The following ATXN7 variants were observed in gnomAD, a reference collection of about 807,000 sequenced individuals.
ATXN7 encodes the protein ataxin-7.
In ATXN7, 12 loss-of-function variants were observed where a neutral mutation model predicts 70.5. The observed-to-expected ratio is 0.17, with a 90% CI of 0.11 to 0.28. The LOEUF is 0.28. Ranked by LOEUF, ATXN7 falls within the 10% of genes least tolerant of loss-of-function variation. The probability of loss-of-function intolerance (pLI) is 1.00; values close to 1 mark genes in which losing one functional copy is unlikely to be tolerated. For missense variants in ATXN7, 1,256 were observed against 1,131.7 expected (o/e 1.11, Z -1.58); for synonymous variants, 498 against 448.7 (o/e 1.11, Z -1.39).
chr3:63,940,814 C>T (rs2074748331), intron 4 of ATXN7, among the ~76,000 whole-genome samples: 1 of 152,192 alleles, frequency 6.6e-6, no homozygotes, highest in Non-Finnish European at 1.5e-5. Flanking sequence ...CTACTCTAGA[C>T]TACATGCTTG....
At chr3:63,945,799 G>T (rs754620111) in intron 4 of ATXN7, among the ~76,000 whole-genome samples, 50 of 152,290 alleles carry the variant, frequency 3.3e-4, no homozygotes, top group Non-Finnish European at 6.3e-4. Context: ...AAGTCTCTGG[G>T]GAAGCCACAT....
chr3:63,873,421 C>T (rs1702653358), intron 1 of ATXN7, among the ~76,000 whole-genome samples: 1 of 152,132 alleles, frequency 6.6e-6, no homozygotes, highest in Non-Finnish European at 1.5e-5. Flanking sequence ...ACCTCTCCAG[C>T]AGTTTTTAAT....
At chr3:63,936,550 C>T (rs866368376) in intron 4 of ATXN7, among the ~76,000 whole-genome samples, 2 of 152,230 alleles carry the variant, frequency 1.3e-5, no homozygotes, top group South Asian at 4.1e-4. Context: ...AAGAGACTGT[C>T]GTGTTTACCT....
chr3:63,957,521 T>G (rs1427947138), intron 5 of ATXN7, among the ~76,000 whole-genome samples: 1 of 152,174 alleles, frequency 6.6e-6, no homozygotes, highest in African/African-American at 2.4e-5. Context: ...AGTAGAACAA[T>G]AAAGGGGGAA....
intron 8 of ATXN7, among the ~76,000 whole-genome samples, chr3:63,984,880 T>C (rs988905745): frequency 1.7e-4 from 26 of 152,370 alleles, no homozygotes; most frequent in East Asian, 9.6e-4. Context: ...ATGCGGTGTT[T>C]AGTCATTATG....
At chr3:63,944,588 T>C (rs2074825678) in intron 4 of ATXN7, among the ~76,000 whole-genome samples, 1 of 152,144 alleles carries the variant, frequency 6.6e-6, no homozygotes, top group Admixed American at 6.5e-5. Context: ...TTAGAAGTTA[T>C]TTCTGGAATT....
At chr3:63,915,840 C>T in intron 4 of ATXN7, among the ~76,000 whole-genome samples, 1 of 152,044 alleles carries the variant, frequency 6.6e-6, no homozygotes, top group South Asian at 2.1e-4. Flanking sequence ...CACCACCACA[C>T]CTGGCTAATT....
chr3:63,895,521 C>A (rs73130555), intron 1 of ATXN7, among the ~76,000 whole-genome samples: 403 of 142,224 alleles, frequency 2.8e-3, no homozygotes, highest in Non-Finnish European at 4.6e-3. Flanking sequence ...GCAGTTATCA[C>A]AAATCAGTTC....
chr3:63,895,833 TGGGGGAAAC>T (rs2107257288), intron 1 of ATXN7, among the ~76,000 whole-genome samples: 1 of 152,118 alleles, frequency 6.6e-6, no homozygotes, highest in South Asian at 2.1e-4. Flanking sequence ...TTTTTTCTCC[TGGGGGAAAC>T]GGGAGATAAG....
rs565950743 is a variant in ATXN7 at position 63,920,618 on chromosome 3, T to C, written c.394+7393T>C. 2.0e-5 allele frequency among the ~76,000 whole-genome samples: 3 copies of C among 152,340 alleles called. No homozygotes were observed. In the South Asian group the frequency reaches 6.2e-4, roughly 32 times the overall value. ...TTTTAAGTAAAAATATCAGAGCCTTTTCTTGCTGTGCCTTACAACAGTCGG... is the reference window on the plus strand; with the variant it reads ...TTTTAAGTAAAAATATCAGAGCCTTCTCTTGCTGTGCCTTACAACAGTCGG... On this transcript the variant is annotated intron_variant, in intron 4 of 12. Coordinates refer to ENST00000674280, the MANE Select transcript of ATXN7 (RefSeq NM_001377405.1).
intron 4 of ATXN7, among the ~76,000 whole-genome samples, chr3:63,925,193 A>G (rs1207338251): frequency 6.6e-6 from 1 of 152,150 alleles, no homozygotes; most frequent in Non-Finnish European, 1.5e-5. Context: ...AAGTTGGGAG[A>G]TCATCTGTTC....
chr3:63,865,894 C>CAAAAAAAAAAAAA (rs34205947), intron 1 of ATXN7, among the ~76,000 whole-genome samples: 6 of 16,562 alleles, frequency 3.6e-4, no homozygotes, highest in African/African-American at 6.7e-4. Flanking sequence ...GACTCCATCT[C>CAAAAAAAAAAAAA]AAAAAAAAAA....
At chr3:63,885,605 A>G (rs912738650) in intron 1 of ATXN7, among the ~76,000 whole-genome samples, 9 of 152,210 alleles carry the variant, frequency 5.9e-5, no homozygotes, top group African/African-American at 1.9e-4. Context: ...TATATATCCA[A>G]AGGAAATCAG....
intron 5 of ATXN7, among the ~76,000 whole-genome samples, chr3:63,955,001 G>C (rs1054512626): frequency 2.0e-5 from 3 of 152,122 alleles, no homozygotes; most frequent in Non-Finnish European, 4.4e-5. Flanking sequence ...GAGCCACCAA[G>C]CCCGGCCAGG....
intron 1 of ATXN7, among the ~76,000 whole-genome samples, chr3:63,866,028 AT>A (rs1273903460): frequency 6.7e-6 from 1 of 149,882 alleles, no homozygotes; most frequent in African/African-American, 2.5e-5. Context: ...AATCTGTAAT[AT>A]TTTCATGGGA....
chr3:63,995,669 A>G lies in ATXN7; in HGVS notation c.1847A>G (p.Lys616Arg), dbSNP rs1209831245. Residue 616 changes from lysine (K) to arginine (R), a missense_variant, in exon 12 of 13, where the codon AAA (lysine) becomes AGA (arginine). Lys to Arg is a conservative substitution (Grantham distance 26, BLOSUM62 2). Transcript: ENST00000674280. ...LSSTCISPNS[K>R]SVPAHGTTLN... ...TCTACCTGCATCTCCCCAAATAGCA[A>G]ATCGGTACCAGCTCATGGAACCACA... The G allele has an allele frequency of 6.2e-7, 1 of 1,614,186 alleles. No individual in the cohort carries two copies. Among genetic ancestry groups the G allele is most frequent in the Admixed American group, 1.7e-5 (1 of 60,032 alleles).
intron 12 of ATXN7, chr3:63,997,599 A>C (rs1374509454): frequency 6.5e-7 from 1 of 1,543,560 alleles, no homozygotes; most frequent in Admixed American, 2.0e-5. Flanking sequence ...CTCATCTCTC[A>C]TCTTGTTATT....
upstream of ATXN7, chr3:63,863,609 G>A (rs951257427): frequency 1.2e-5 from 14 of 1,195,464 alleles, no homozygotes; most frequent in Non-Finnish European, 1.3e-5. Context: ...GAAGCAGCCG[G>A]GGAGGCCCGG....
chr3:63,912,685 G>A lies in ATXN7; in HGVS notation c.87G>A (p.Arg29=). Residue 29 remains arginine, a synonymous_variant, in exon 3 of 13, where the codon CGG becomes CGA. Transcript: ENST00000674280. ...AAGGAAAAAA[R]QQQQQQQQQQ... ...GCGGAGCAGCGGCCGCGGCCGCCCG[G>A]CAGCAGCAGCAGCAGCAGCAGCAGC... 6 of 882,916 alleles carry A rather than the reference G, an allele frequency of 6.8e-6. No individual in the cohort carries two copies. The highest frequency in any genetic ancestry group is 8.1e-6 in the Non-Finnish European group (6 of 742,420). The allele number at this position is 882,916 out of a possible 1,614,324, so 54.7% of individuals were successfully genotyped here.
Sources: allele counts gnomAD v4.1 joint callset (sites outside exome capture counted in the v4.1 genomes callset), GRCh38; gene constraint gnomAD v4.1.1; transcripts MANE v1.5; gene names NCBI Gene and HGNC (gene_info 2026-07-23, HGNC 2026-07-21).